The following FAM149B1 variants were observed in gnomAD, a reference collection of about 807,000 sequenced individuals.
FAM149B1 encodes family with sequence similarity 149 member B1.
In FAM149B1, 56 loss-of-function variants were observed where a neutral mutation model predicts 75.3. The ratio of observed to expected loss-of-function variants is 0.74; its 90% confidence interval spans 0.60 to 0.93. The LOEUF (loss-of-function observed/expected upper bound fraction) is 0.93, where lower values mean the gene tolerates loss of function less well. Among genes scored for constraint, FAM149B1 ranks in the 40% least tolerant of loss-of-function variants. The pLI is 0.00. For missense variants in FAM149B1, 639 were observed against 708.4 expected (o/e 0.90, Z 1.11); for synonymous variants, 259 against 256.1 (o/e 1.01, Z -0.11).
chr10:73,171,052 T>A (rs1462069590), intron 1 of FAM149B1, among the ~76,000 whole-genome samples: 2 of 151,862 alleles, frequency 1.3e-5, no homozygotes, highest in African/African-American at 4.8e-5. Flanking sequence ...AGTTGCAACC[T>A]CCACCTCCTA....
chr10:73,235,736 T>C lies in FAM149B1; in HGVS notation c.1602+418T>C, dbSNP rs116021703. Among the ~76,000 whole-genome samples the C allele has an allele frequency of 6.5e-3, 993 of 152,292 alleles. 8 individuals are homozygous for C. Among genetic ancestry groups the C allele is most frequent in the African/African-American group, 0.023 (935 of 41,552 alleles). ...TTTTTTCAGAAGCAGGCTCTTGCCA[T>C]GTTGCCCAGACTAGACCTGGAACTC... On this transcript the variant is annotated intron_variant, in intron 12 of 13. Transcript: ENST00000242505.
At chr10:73,176,934 G>A (rs184505250) in intron 2 of FAM149B1, among the ~76,000 whole-genome samples, 1 of 152,184 alleles carries the variant, frequency 6.6e-6, no homozygotes, top group East Asian at 1.9e-4. Flanking sequence ...GGCTGAGGCA[G>A]GAGAATCACT....
intron 11 of FAM149B1, 59 bp downstream of exon 11, chr10:73,234,999 T>C (rs1208818387): frequency 1.3e-6 from 2 of 1,532,944 alleles, no homozygotes; most frequent in Admixed American, 2.0e-5. Flanking sequence ...TGGGCAGTAA[T>C]TCTGCAGGAT....
intron 7 of FAM149B1, among the ~76,000 whole-genome samples, chr10:73,211,153 C>A (rs1258886660): frequency 6.6e-6 from 1 of 152,182 alleles, no homozygotes; most frequent in African/African-American, 2.4e-5. Flanking sequence ...TCTCTCTGAA[C>A]CTAGTCCTTT....
Position 73,243,464 on chromosome 10 carries a change from G to C in FAM149B1, c.*2445G>C. 1.2e-6 allele frequency: 2 copies of C among 1,613,936 alleles called. No homozygotes were observed. Among genetic ancestry groups the C allele is most frequent in the South Asian group, 1.1e-5 (1 of 91,072 alleles). Reference sequence around the variant, plus strand: ...TCCTTTGGAAGATTTGCAGTACTTTGCTTCCATCTGAGCCAGAAAATTGTC... The same window carrying C: ...TCCTTTGGAAGATTTGCAGTACTTTCCTTCCATCTGAGCCAGAAAATTGTC... On this transcript the variant is annotated 3_prime_UTR_variant, in exon 14 of 14. Coordinates refer to ENST00000242505, the MANE Select transcript of FAM149B1 (RefSeq NM_173348.2).
At position 73,168,180 on chromosome 10, in the gene FAM149B1, G is replaced by C; in HGVS notation, c.-160G>C. The C allele has an allele frequency of 1.4e-6, 1 of 709,656 alleles. No individual in the cohort carries two copies. The highest frequency in any genetic ancestry group is 2.3e-6 in the Non-Finnish European group (1 of 435,996). 44.0% of individuals were successfully genotyped at this position (709,656 alleles called of 1,614,324 possible). ...ACTGGAGAGGTGGGGACCCTGGGGAGGTGGCTGCTCGGAGTCTAGGTGACG... is the reference window on the plus strand; with the variant it reads ...ACTGGAGAGGTGGGGACCCTGGGGACGTGGCTGCTCGGAGTCTAGGTGACG... On this transcript the variant is annotated 5_prime_UTR_variant, in exon 1 of 14. Coordinates refer to ENST00000242505, the MANE Select transcript of FAM149B1 (RefSeq NM_173348.2).
intron 5 of FAM149B1, among the ~76,000 whole-genome samples, chr10:73,203,533 T>A (rs1164967090): frequency 6.6e-6 from 1 of 152,200 alleles, no homozygotes; most frequent in East Asian, 1.9e-4. Flanking sequence ...AGGACTTTAT[T>A]CCATTGCATG....
intron 12 of FAM149B1, among the ~76,000 whole-genome samples, chr10:73,236,394 C>T (rs1435548175): frequency 1.3e-5 from 2 of 150,904 alleles, no homozygotes; most frequent in South Asian, 2.1e-4. Context: ...CTTGCAGCTG[C>T]ATCACTCCCA....
chr10:73,177,942 T>C lies in FAM149B1; in HGVS notation c.249T>C (p.Thr83=). 6.4e-7 allele frequency: 1 copy of C among 1,551,540 alleles called. No individual in the cohort carries two copies. Among genetic ancestry groups the C allele is most frequent in the Non-Finnish European group, 8.7e-7 (1 of 1,146,930 alleles). Reference sequence around the variant, plus strand: ...GTTATACAGGCGCAGGGATATCTACTGAAGGAAGCTCGGACTTCTCCTGGG... The same window carrying C: ...GTTATACAGGCGCAGGGATATCTACCGAAGGAAGCTCGGACTTCTCCTGGG... ...FPSYTGAGIS[T]EGSSDFSWGY... The change falls in exon 3 of 14, where the codon ACT becomes ACC. Residue 83 remains threonine (T), a synonymous_variant. Coordinates refer to ENST00000242505, the MANE Select transcript of FAM149B1 (RefSeq NM_173348.2).
chr10:73,172,268 A>G (rs1843748027), intron 1 of FAM149B1, among the ~76,000 whole-genome samples: 1 of 152,166 alleles, frequency 6.6e-6, no homozygotes, highest in African/African-American at 2.4e-5. Context: ...GATCTCCACA[A>G]TTTGAGAAAT....
At chr10:73,223,044 C>CAGG (rs1200193321) in intron 7 of FAM149B1, among the ~76,000 whole-genome samples, 1 of 152,100 alleles carries the variant, frequency 6.6e-6, no homozygotes, top group African/African-American at 2.4e-5. Context: ...CCCTTAATCC[C>CAGG]AGGAGTTTGA....
chr10:73,238,373 T>C (rs1195900402), intron 12 of FAM149B1, among the ~76,000 whole-genome samples: 4 of 152,006 alleles, frequency 2.6e-5, no homozygotes, highest in Non-Finnish European at 5.9e-5. Flanking sequence ...GAATGCTAGC[T>C]GTCCTGGGCC....
chr10:73,193,585 T>C lies in FAM149B1; in HGVS notation c.534T>C (p.Asp178=), dbSNP rs1484850267. The C allele has an allele frequency of 6.4e-7, 1 of 1,550,760 alleles. No homozygotes were observed. Among genetic ancestry groups the C allele is most frequent in the African/African-American group, 1.4e-5 (1 of 73,140 alleles). ...AAACAACCTTGTCTCAAGAAAGAGA[T>C]TCTACTATGTGAGTATTCCATTATG... The part of the protein sequence containing the change: ...SYETTLSQER[D]STIFGIRGKK... Residue 178 remains aspartate, a synonymous_variant, in exon 5 of 14, where the codon GAT becomes GAC. Transcript: ENST00000242505.
chr10:73,233,119 T>A lies in FAM149B1; in HGVS notation c.1308T>A (p.Ala436=). The A allele has an allele frequency of 6.4e-7, 1 of 1,551,808 alleles. No homozygotes were observed. The highest frequency in any genetic ancestry group is 8.7e-7 in the Non-Finnish European group (1 of 1,147,020). ...LHPISTSHSC[A]ETPRSVEEIL... ...CGATCAGCACGAGCCATTCATGTGC[T>A]GAAACACCAAGATCTGTGGAAGAAA... Residue 436 remains alanine (A), a synonymous_variant, in exon 10 of 14, where the codon GCT becomes GCA. Transcript: ENST00000242505.
At chr10:73,177,038 C>T (rs1371552636) in intron 2 of FAM149B1, among the ~76,000 whole-genome samples, 1 of 150,526 alleles carries the variant, frequency 6.6e-6, no homozygotes, top group African/African-American at 2.4e-5. Context: ...AAAAACAAAA[C>T]AAAAGTACAA....
intron 3 of FAM149B1, among the ~76,000 whole-genome samples, chr10:73,190,951 T>G (rs1252630968): frequency 3.3e-5 from 5 of 152,094 alleles, no homozygotes; most frequent in Non-Finnish European, 7.4e-5. Context: ...ACTTCTGGCC[T>G]CAAGTGATCC....
At chr10:73,194,681 T>TA (rs2042759190) in intron 5 of FAM149B1, among the ~76,000 whole-genome samples, 1 of 147,678 alleles carries the variant, frequency 6.8e-6, no homozygotes. Context: ...TTCTTTTTTC[T>TA]TTTTTTTTCT....
At chr10:73,215,778 G>C (rs1473485366) in intron 7 of FAM149B1, among the ~76,000 whole-genome samples, 1 of 152,134 alleles carries the variant, frequency 6.6e-6, no homozygotes, top group Non-Finnish European at 1.5e-5. Flanking sequence ...GAAGATACTT[G>C]ATATGATTTC....
At chr10:73,236,689 G>A (rs1209406519) in intron 12 of FAM149B1, among the ~76,000 whole-genome samples, 1 of 151,174 alleles carries the variant, frequency 6.6e-6, no homozygotes, top group South Asian at 2.1e-4. Context: ...TGTGATTATA[G>A]GTGTGAGCCA....
Sources: gnomAD v4.1 joint callset for allele counts (sites outside exome capture counted in the v4.1 genomes callset) on GRCh38, gnomAD v4.1.1 for gene constraint, MANE v1.5 for transcripts, NCBI Gene and HGNC (gene_info 2026-07-23, HGNC 2026-07-21) for gene names.